The following TCERG1L variants were observed in gnomAD, a reference collection of about 807,000 sequenced individuals.
The protein encoded by TCERG1L is transcription elongation regulator 1-like protein.
In TCERG1L, 37 loss-of-function variants were observed where a neutral mutation model predicts 56.3. That is an observed-to-expected ratio of 0.66 (90% CI 0.51 to 0.87). TCERG1L has a LOEUF of 0.87. Ranked by LOEUF, TCERG1L falls within the 40% of genes least tolerant of loss-of-function variation. The pLI, the probability that TCERG1L is intolerant of heterozygous loss-of-function variation, is 0.00. For synonymous variants in TCERG1L, 324 were observed against 326.3 expected (o/e 0.99, Z 0.08); for missense variants, 799 against 774.2 (o/e 1.03, Z -0.38).
intron 6 of TCERG1L, chr10:131,162,893 TATA>T (rs764182418): frequency 2.3e-5 from 9 of 388,296 alleles, no homozygotes; most frequent in Non-Finnish European, 4.1e-5. Context: ...CATTTTAATA[TATA>T]TTCACAGACA....
chr10:131,263,751 T>C (rs1217492854), intron 3 of TCERG1L, among the ~76,000 whole-genome samples: 1 of 152,202 alleles, frequency 6.6e-6, no homozygotes, highest in African/African-American at 2.4e-5. Flanking sequence ...AAGGAGGGAA[T>C]TTTCCAGAAG....
At chr10:131,294,213 A>G (rs1207826502) in intron 3 of TCERG1L, among the ~76,000 whole-genome samples, 1 of 152,170 alleles carries the variant, frequency 6.6e-6, no homozygotes, top group Admixed American at 6.5e-5. Context: ...AGGCTTTGGA[A>G]TGCAACAGCA....
chr10:131,178,255 T>C (rs1275634588), intron 4 of TCERG1L, among the ~76,000 whole-genome samples: 2 of 152,160 alleles, frequency 1.3e-5, no homozygotes, highest in African/African-American at 2.4e-5. Context: ...GCGGTGACCC[T>C]GCCAGGTGCT....
rs973399543 is a variant in TCERG1L, at chr10:131,260,894, G to A, written c.671-450C>T. Among the ~76,000 whole-genome samples, 4 of 152,202 alleles carry A rather than the reference G, an allele frequency of 2.6e-5. No homozygotes were observed. Among genetic ancestry groups the A allele is most frequent in the Non-Finnish European group, 5.9e-5 (4 of 68,036 alleles). ...GAAGAAGGGGCAGCTGTGGGCCAGG[G>A]TGGAGAGAGGTTTCCAGAGGACACC... On this transcript the variant is annotated intron_variant, in intron 3 of 11. Coordinates refer to ENST00000368642, the MANE Select transcript of TCERG1L (RefSeq NM_174937.4). This position sits in a 1 kb window ranked among gnomAD's most constrained non-coding sequence, Gnocchi z 5.8.
At chr10:131,141,796 C>T (rs1458234740) in intron 7 of TCERG1L, among the ~76,000 whole-genome samples, 1 of 152,178 alleles carries the variant, frequency 6.6e-6, no homozygotes, top group African/African-American at 2.4e-5. Flanking sequence ...CCACCAAATT[C>T]ACTGGTGCAT....
At chr10:131,264,328 G>A (rs931794922) in intron 3 of TCERG1L, among the ~76,000 whole-genome samples, 11 of 152,348 alleles carry the variant, frequency 7.2e-5, no homozygotes, top group African/African-American at 2.6e-4. Flanking sequence ...CCAAGCTGTG[G>A]GCTCCTGGGT....
intron 4 of TCERG1L, among the ~76,000 whole-genome samples, chr10:131,230,388 C>T (rs759405771): frequency 3.4e-4 from 52 of 152,346 alleles, no homozygotes; most frequent in African/African-American, 1.1e-3. Flanking sequence ...GACCGCAGCA[C>T]GTGCAGGCCC....
chr10:131,122,688 C>T (rs1469432294), intron 8 of TCERG1L, among the ~76,000 whole-genome samples: 2 of 152,186 alleles, frequency 1.3e-5, no homozygotes, highest in African/African-American at 2.4e-5. Context: ...TGTGAGTTCT[C>T]TGAGTCATTC....
At chr10:131,135,712 C>G (rs1845668423) in intron 7 of TCERG1L, among the ~76,000 whole-genome samples, 1 of 152,194 alleles carries the variant, frequency 6.6e-6, no homozygotes. Flanking sequence ...CACAGGACCA[C>G]AGAGGCTGCT....
In TCERG1L at chr10:131,163,146, G is replaced by A; in HGVS notation, c.1010C>T (p.Ser337Phe). The A allele has an allele frequency of 6.3e-7, 1 of 1,579,828 alleles. No homozygotes were observed. Among genetic ancestry groups the A allele is most frequent in the Non-Finnish European group, 8.6e-7 (1 of 1,162,368 alleles). The change falls in exon 6 of 12, where the codon TCC becomes TTC. Residue 337 changes from serine (S) to phenylalanine (F), a missense_variant. By Grantham distance (155) the Ser-to-Phe change is radical. Transcript: ENST00000368642. ...STARGNRPVA[S>F]TPVPGSPWCV... ...CCAGGGGGATCCGGGCACCGGGGTGGAGGCCACTGGCCTGTTGCCTCTGGC... is the reference window on the plus strand; with the variant it reads ...CCAGGGGGATCCGGGCACCGGGGTGAAGGCCACTGGCCTGTTGCCTCTGGC...
chr10:131,288,264 A>G (rs1201006825), intron 3 of TCERG1L, among the ~76,000 whole-genome samples: 1 of 152,220 alleles, frequency 6.6e-6, no homozygotes, highest in Non-Finnish European at 1.5e-5. Flanking sequence ...TTATCTGTTC[A>G]TCCTACAACT....
intron 4 of TCERG1L, among the ~76,000 whole-genome samples, chr10:131,193,334 C>A (rs1001618522): frequency 2.0e-5 from 3 of 152,130 alleles, no homozygotes; most frequent in African/African-American, 7.2e-5. Context: ...TTGACAATTT[C>A]TTTTGTTATG....
At chr10:131,307,958 A>G (rs1846832915) in intron 3 of TCERG1L, among the ~76,000 whole-genome samples, 2 of 152,174 alleles carry the variant, frequency 1.3e-5, no homozygotes, top group Admixed American at 6.5e-5. Context: ...AGCACTGCAA[A>G]TACAATTCTG....
intron 4 of TCERG1L, among the ~76,000 whole-genome samples, chr10:131,232,147 C>G (rs1038992450): frequency 1.3e-5 from 2 of 152,246 alleles, no homozygotes; most frequent in Non-Finnish European, 2.9e-5. Context: ...CACTGGGACT[C>G]CAGTCACTGA....
At chr10:131,186,586 T>C (rs1845247755) in intron 4 of TCERG1L, among the ~76,000 whole-genome samples, 1 of 152,154 alleles carries the variant, frequency 6.6e-6, no homozygotes, top group Admixed American at 6.5e-5. Flanking sequence ...AACACTGATC[T>C]GGAAGGTTAT....
rs116267139 is a variant in TCERG1L at position 131,104,479 on chromosome 10, G to A, written c.1396-125C>T. On this transcript the variant is annotated intron_variant, in intron 9 of 11. Coordinates refer to ENST00000368642, the MANE Select transcript of TCERG1L (RefSeq NM_174937.4). Reference sequence around the variant, plus strand: ...CCAGCATTAAAGTACAATAGATTCCGTGATGTGGTGCAGTATAAGTGTTAG... The same window carrying A: ...CCAGCATTAAAGTACAATAGATTCCATGATGTGGTGCAGTATAAGTGTTAG... The A allele has an allele frequency of 1.3e-3, 828 of 636,354 alleles. 2 individuals are homozygous for A. In the African/African-American group the frequency reaches 0.014, roughly 10 times the overall value. The allele number at this position is 636,354 out of a possible 1,614,324, so 39.4% of individuals were successfully genotyped here. A position where few individuals can be genotyped will look rare whatever the true frequency, so the allele number is the denominator to read the frequency against.
Position 131,140,365 on chromosome 10 carries a change from G to A in TCERG1L, c.1190-5917C>T, listed in dbSNP as rs191442695. Reference sequence around the variant, plus strand: ...AGCTGTGTGCTCTGCCCTCTCTGATGGGGCCTCCTGCTCCGCATCCTGTCC... The same window carrying A: ...AGCTGTGTGCTCTGCCCTCTCTGATAGGGCCTCCTGCTCCGCATCCTGTCC... On this transcript the variant is annotated intron_variant, in intron 7 of 11. Coordinates refer to ENST00000368642, the MANE Select transcript of TCERG1L (RefSeq NM_174937.4). 8.8e-4 allele frequency among the ~76,000 whole-genome samples: 134 copies of A among 152,256 alleles called. 1 individual carries two copies. The highest frequency in any genetic ancestry group is 2.9e-3 in the African/African-American group (121 of 41,570).
intron 8 of TCERG1L, among the ~76,000 whole-genome samples, chr10:131,122,049 C>T (rs539896579): frequency 6.6e-6 from 1 of 152,342 alleles, no homozygotes; most frequent in South Asian, 2.1e-4. Flanking sequence ...CCGCACCGTG[C>T]CACACACTGC....
intron 4 of TCERG1L, among the ~76,000 whole-genome samples, chr10:131,230,938 T>C (rs182525488): frequency 4.6e-5 from 7 of 152,320 alleles, no homozygotes; most frequent in African/African-American, 7.2e-5. Context: ...GAGCTAGTGA[T>C]AGACTTCGTA....
Sources: allele counts gnomAD v4.1 joint callset (sites outside exome capture counted in the v4.1 genomes callset), GRCh38; gene constraint gnomAD v4.1.1; non-coding constraint Gnocchi (gnomAD v3.1); transcripts MANE v1.5; gene names NCBI Gene and HGNC (gene_info 2026-07-23, HGNC 2026-07-21).